The following CDH13 variants were observed in gnomAD, a reference collection of about 807,000 sequenced individuals.
CDH13 encodes cadherin 13, also known as cadherin-13.
Under a neutral mutation model 63.8 loss-of-function variants are expected in CDH13, and 24 were observed. The ratio of observed to expected loss-of-function variants is 0.38; its 90% CI spans 0.27 to 0.53. The LOEUF is 0.53. Ranked by LOEUF, CDH13 falls within the 20% of genes least tolerant of loss-of-function variation. CDH13 has a pLI of 0.85. For synonymous variants in CDH13, 503 were observed against 355.3 expected, an observed-to-expected ratio of 1.42 and a Z score of -4.67; for missense variants, 1,049 against 903.1, an observed-to-expected ratio of 1.16 and a Z score of -2.07.
chr16:83,626,127 C>T (rs959246784), intron 8 of CDH13, among the ~76,000 whole-genome samples: 2 of 151,942 alleles, frequency 1.3e-5, no homozygotes, highest in Admixed American at 1.3e-4. Flanking sequence ...CCTCCTATGT[C>T]AGCCTCCTGC....
chr16:83,245,062 C>A (rs1032061030), intron 5 of CDH13, among the ~76,000 whole-genome samples: 1 of 151,408 alleles, frequency 6.6e-6, no homozygotes, highest in Non-Finnish European at 1.5e-5. Context: ...GCAGGCTGGC[C>A]TTTCTAGGGA....
intron 2 of CDH13, among the ~76,000 whole-genome samples, chr16:83,020,513 A>G (rs532655425): frequency 1.3e-5 from 2 of 152,236 alleles, no homozygotes; most frequent in African/African-American, 4.8e-5. Flanking sequence ...GCTGTACTCC[A>G]CTCAAAAATG....
At position 83,631,532 on chromosome 16, in the gene CDH13, A is replaced by C. The variant is rs557934893; in HGVS notation, c.1101+28938A>C. Among the ~76,000 whole-genome samples, 3 of 152,098 alleles carry C rather than the reference A, an allele frequency of 2.0e-5. No individual in the cohort carries two copies. In the South Asian group the frequency reaches 6.2e-4, roughly 32 times the overall value. ...TGATCTCGGGAAGATCCACAGCAAA[A>C]TGATGGAGTTCTTTCATTTAGCAGA... On this transcript the variant is annotated intron_variant, in intron 8 of 13. Transcript: ENST00000567109.
At chr16:82,732,945 A>G (rs970727430) in intron 1 of CDH13, among the ~76,000 whole-genome samples, 2 of 152,214 alleles carry the variant, frequency 1.3e-5, no homozygotes, top group African/African-American at 4.8e-5. Context: ...GATCTCAGAA[A>G]GACAAATGGA....
chr16:83,224,950 G>A (rs1056661451), intron 5 of CDH13, among the ~76,000 whole-genome samples: 3 of 152,184 alleles, frequency 2.0e-5, no homozygotes, highest in African/African-American at 7.2e-5. Flanking sequence ...GCAGCTAGCA[G>A]GTAAACAGTT....
chr16:83,658,073 CCA>C (rs1913047856), intron 8 of CDH13, among the ~76,000 whole-genome samples: 4 of 130,156 alleles, frequency 3.1e-5, no homozygotes, highest in Non-Finnish European at 6.6e-5. Flanking sequence ...CCACCAGGTG[CCA>C]TGTCCTCACC....
chr16:83,021,302 G>A (rs1915325128), intron 2 of CDH13, among the ~76,000 whole-genome samples: 1 of 152,176 alleles, frequency 6.6e-6, no homozygotes, highest in Non-Finnish European at 1.5e-5. Flanking sequence ...GTCAAGCACT[G>A]TGCTATATAT....
At chr16:83,715,885 G>A (rs1030782321) in intron 10 of CDH13, among the ~76,000 whole-genome samples, 1 of 152,102 alleles carries the variant, frequency 6.6e-6, no homozygotes, top group Non-Finnish European at 1.5e-5. Context: ...TGCCTTCCTG[G>A]GTGGGGAAAA....
intron 6 of CDH13, among the ~76,000 whole-genome samples, chr16:83,418,252 G>C (rs1360933598): frequency 6.6e-6 from 1 of 152,120 alleles, no homozygotes; most frequent in African/African-American, 2.4e-5. Flanking sequence ...GATTAAAAGG[G>C]AAAAATTATG....
chr16:83,121,802 C>G (rs2035589593), intron 3 of CDH13, among the ~76,000 whole-genome samples: 1 of 152,146 alleles, frequency 6.6e-6, no homozygotes, highest in African/African-American at 2.4e-5. Flanking sequence ...ATTCATAAAG[C>G]TCTCGATAAA....
intron 2 of CDH13, among the ~76,000 whole-genome samples, chr16:82,941,125 T>C (rs535788169): frequency 6.6e-6 from 1 of 152,338 alleles, no homozygotes; most frequent in South Asian, 2.1e-4. Context: ...CAGGAAGCTC[T>C]GAAAGCTGAC....
At chr16:83,717,134 C>T (rs8050393) in intron 10 of CDH13, 18,407 of 152,264 alleles carry the variant, frequency 0.12, 1,142 homozygotes, top group Admixed American at 0.14. Context: ...GTGGTGCACA[C>T]CTGTAGTCCC....
At chr16:83,368,883 G>GTT (rs1378216015) in intron 6 of CDH13, among the ~76,000 whole-genome samples, 3,220 of 24,718 alleles carry the variant, frequency 0.13, 785 homozygotes, top group East Asian at 0.21. Context: ...AGTATTCCAT[G>GTT]TTATATATAT....
intron 2 of CDH13, among the ~76,000 whole-genome samples, chr16:83,031,505 C>T (rs1302458966): frequency 6.6e-6 from 1 of 150,566 alleles, no homozygotes; most frequent in African/African-American, 2.4e-5. Context: ...ATTCTCATTC[C>T]CTGAATCTGT....
intron 11 of CDH13, among the ~76,000 whole-genome samples, chr16:83,774,233 C>G (rs1238474312): frequency 6.6e-6 from 1 of 152,190 alleles, no homozygotes; most frequent in Non-Finnish European, 1.5e-5. Context: ...ACAACTATGA[C>G]TATGCTAGCT....
intron 5 of CDH13, among the ~76,000 whole-genome samples, chr16:83,220,031 A>G (rs1282340583): frequency 6.6e-6 from 1 of 152,184 alleles, no homozygotes; most frequent in African/African-American, 2.4e-5. Context: ...GCAGTTTCTT[A>G]CACAAGTACT....
intron 11 of CDH13, among the ~76,000 whole-genome samples, chr16:83,767,244 C>A (rs549694757): frequency 6.6e-6 from 1 of 152,200 alleles, no homozygotes; most frequent in East Asian, 1.9e-4. Flanking sequence ...GCTGTGTCCC[C>A]ACCCAAATCT....
intron 5 of CDH13, among the ~76,000 whole-genome samples, chr16:83,224,843 A>G (rs1274402059): frequency 6.6e-6 from 1 of 152,208 alleles, no homozygotes; most frequent in Non-Finnish European, 1.5e-5. Context: ...CCAGTCACTT[A>G]GTAAGTGTTC....
intron 1 of CDH13, among the ~76,000 whole-genome samples, chr16:82,840,607 C>T (rs2038966467): frequency 1.4e-5 from 2 of 146,788 alleles, no homozygotes; most frequent in Non-Finnish European, 3.0e-5. Context: ...ATCGCTTAAA[C>T]TAGGGAGGCG....
Sources: gnomAD v4.1 joint callset for allele counts (sites outside exome capture counted in the v4.1 genomes callset) on GRCh38, gnomAD v4.1.1 for gene constraint, MANE v1.5 for transcripts, NCBI Gene and HGNC (gene_info 2026-07-23, HGNC 2026-07-21) for gene names.